Variants in SNTG1 observed in about 807,000 individuals in gnomAD.
The protein encoded by SNTG1 is syntrophin gamma 1.
A neutral mutation model predicts 74.7 loss-of-function variants in SNTG1; 39 were observed. The observed-to-expected ratio is 0.52, with a 90% CI of 0.40 to 0.68. The LOEUF is 0.68. Ranked by LOEUF, SNTG1 falls within the 30% of genes least tolerant of loss-of-function variation. The pLI, the probability that SNTG1 is intolerant of heterozygous loss-of-function variation, is 0.00. For missense variants in SNTG1, 685 were observed against 609.5 expected, an observed-to-expected ratio of 1.12 and a Z score of -1.30; for synonymous variants, 254 against 217.1, an observed-to-expected ratio of 1.17 and a Z score of -1.49.
chr8:50,475,248 A>AATAATAAT (rs1563439485), intron 8 of SNTG1, among the ~76,000 whole-genome samples: 3 of 149,550 alleles, frequency 2.0e-5, no homozygotes, highest in African/African-American at 7.5e-5. Flanking sequence ...ATAATAATAA[A>AATAATAAT]AAAGAGCATG....
intron 17 of SNTG1, among the ~76,000 whole-genome samples, chr8:50,743,096 T>A (rs2095547170): frequency 7.2e-6 from 1 of 139,700 alleles, no homozygotes; most frequent in Non-Finnish European, 1.6e-5. Flanking sequence ...TATTCTCAAA[T>A]TCTTACCAAA....
At chr8:50,265,763 G>A (rs980185678) in intron 2 of SNTG1, among the ~76,000 whole-genome samples, 2 of 151,606 alleles carry the variant, frequency 1.3e-5, no homozygotes, top group Non-Finnish European at 2.9e-5. Flanking sequence ...AGTTCAGAGA[G>A]ACATTAAATC....
At chr8:50,566,098 G>A (rs1318280119) in intron 12 of SNTG1, among the ~76,000 whole-genome samples, 1 of 151,760 alleles carries the variant, frequency 6.6e-6, no homozygotes, top group Non-Finnish European at 1.5e-5. Flanking sequence ...TACATTTATG[G>A]AGTTAAATGT....
intron 1 of SNTG1, among the ~76,000 whole-genome samples, chr8:50,036,248 C>A (rs1818153085): frequency 6.6e-6 from 1 of 152,202 alleles, no homozygotes; most frequent in African/African-American, 2.4e-5. Context: ...CAGTTCAACA[C>A]CATTTTATTG....
intron 15 of SNTG1, among the ~76,000 whole-genome samples, chr8:50,684,277 T>C (rs1308258718): frequency 6.6e-6 from 1 of 152,214 alleles, no homozygotes; most frequent in South Asian, 2.1e-4. Context: ...TTTATTATGA[T>C]ACAATTAGTC....
intron 4 of SNTG1, among the ~76,000 whole-genome samples, chr8:50,427,568 G>A (rs1322284843): frequency 6.6e-6 from 1 of 152,020 alleles, no homozygotes; most frequent in Non-Finnish European, 1.5e-5. Context: ...TTGGCCTACA[G>A]GTGCATACCA....
At chr8:50,313,566 G>T (rs1263772584) in intron 2 of SNTG1, among the ~76,000 whole-genome samples, 1 of 149,686 alleles carries the variant, frequency 6.7e-6, no homozygotes, top group Admixed American at 6.7e-5. Context: ...GTGCAACATC[G>T]TTAATCATCA....
intron 1 of SNTG1, among the ~76,000 whole-genome samples, chr8:49,976,256 A>C (rs1375238674): frequency 6.6e-6 from 1 of 152,192 alleles, no homozygotes; most frequent in East Asian, 1.9e-4. Flanking sequence ...TAGGAAAATA[A>C]GTTTTTTTTG....
chr8:50,220,673 A>G (rs2085018707), intron 2 of SNTG1, among the ~76,000 whole-genome samples: 1 of 152,182 alleles, frequency 6.6e-6, no homozygotes, highest in African/African-American at 2.4e-5. Flanking sequence ...AGGCAGGGCA[A>G]TGGAGCAAGA....
At chr8:49,971,360 C>T (rs565021491) in intron 1 of SNTG1, among the ~76,000 whole-genome samples, 18 of 152,150 alleles carry the variant, frequency 1.2e-4, no homozygotes, top group East Asian at 7.8e-4. Context: ...ATTGACGGGA[C>T]GTATCTCAAA....
chr8:49,961,489 T>C (rs2129729449), intron 1 of SNTG1, among the ~76,000 whole-genome samples: 1 of 152,324 alleles, frequency 6.6e-6, no homozygotes, highest in African/African-American at 2.4e-5. Flanking sequence ...ACCCACATTC[T>C]TCCTGAAACA....
chr8:50,530,351 A>G, intron 10 of SNTG1, 92 bp downstream of exon 10: 1 of 1,197,468 alleles, frequency 8.4e-7, no homozygotes, highest in Non-Finnish European at 1.2e-6. Context: ...GACAGATAGG[A>G]AATCCCTGGT....
Position 50,501,615 on chromosome 8 carries a change from T to A in SNTG1, c.364-1163T>A, listed in dbSNP as rs543249555. ...GAAGACCGGTTATTTTTTTTTATTT[T>A]TTTTTTTTTTTTTTGTATTTTTAGC... On this transcript the variant is annotated intron_variant, in intron 8 of 18. Coordinates refer to ENST00000642720, the MANE Select transcript of SNTG1 (RefSeq NM_018967.5). Among the ~76,000 whole-genome samples, 422 of 149,204 alleles carry A rather than the reference T, an allele frequency of 2.8e-3. 1 individual carries two copies. Among genetic ancestry groups the A allele is most frequent in the Middle Eastern group, 0.01 (3 of 294 alleles).
intron 2 of SNTG1, among the ~76,000 whole-genome samples, chr8:50,238,837 T>C (rs1438180021): frequency 1.3e-5 from 2 of 152,134 alleles, no homozygotes; most frequent in Non-Finnish European, 2.9e-5. Flanking sequence ...GCAATGTTCA[T>C]AGACAGACAC....
chr8:50,247,517 A>G (rs1404894460), intron 2 of SNTG1, among the ~76,000 whole-genome samples: 1 of 152,090 alleles, frequency 6.6e-6, no homozygotes, highest in East Asian at 1.9e-4. Flanking sequence ...GAATAGATTA[A>G]AAAAATTTTA....
chr8:50,616,059 C>T (rs1191888439), intron 13 of SNTG1, among the ~76,000 whole-genome samples: 3 of 152,222 alleles, frequency 2.0e-5, no homozygotes, highest in Admixed American at 1.3e-4. Context: ...TTTGCTCTTA[C>T]AACCTTTATG....
At chr8:50,519,387 C>T (rs2094160548) in intron 9 of SNTG1, among the ~76,000 whole-genome samples, 1 of 152,092 alleles carries the variant, frequency 6.6e-6, no homozygotes, top group Non-Finnish European at 1.5e-5. Flanking sequence ...CCTTTGAAAA[C>T]CAGCACAAGA....
At chr8:50,236,795 C>T (rs2085929699) in intron 2 of SNTG1, among the ~76,000 whole-genome samples, 1 of 151,966 alleles carries the variant, frequency 6.6e-6, no homozygotes, top group Admixed American at 6.6e-5. Flanking sequence ...ATAAAATAAC[C>T]TAATGAACTG....
chr8:50,669,528 C>A (rs1399083010), intron 15 of SNTG1, among the ~76,000 whole-genome samples: 3 of 152,160 alleles, frequency 2.0e-5, no homozygotes, highest in Admixed American at 2.0e-4. Flanking sequence ...ATAACAGGAT[C>A]TGAAATTGTG....
Sources: allele counts gnomAD v4.1 joint callset (sites outside exome capture counted in the v4.1 genomes callset), GRCh38; gene constraint gnomAD v4.1.1; transcripts MANE v1.5; gene names NCBI Gene and HGNC (gene_info 2026-07-23, HGNC 2026-07-21).